TRIM68: variants seen among roughly 807,000 people sequenced by gnomAD.
TRIM68 encodes the protein tripartite motif containing 68.
A neutral mutation model predicts 41.9 loss-of-function variants in TRIM68; 36 were observed. The ratio of observed to expected loss-of-function variants is 0.86; its 90% CI spans 0.66 to 1.14. The LOEUF is 1.14. Among genes scored for constraint, TRIM68 ranks in the 50% most tolerant of loss-of-function variants. The probability of loss-of-function intolerance (pLI) is 0.00; values close to 1 mark genes in which losing one functional copy is unlikely to be tolerated. For synonymous variants in TRIM68, 225 were observed against 224.6 expected (o/e 1.00, Z -0.02); for missense variants, 632 against 605.1 (o/e 1.04, Z -0.47).
chr11:4,605,442 G>A lies in TRIM68; in HGVS notation c.63C>T (p.Thr21=), dbSNP rs754458062. The change falls in exon 2 of 7, where the codon ACC becomes ACT. Residue 21 remains threonine, a synonymous_variant. Coordinates refer to ENST00000300747, the MANE Select transcript of TRIM68 (RefSeq NM_018073.8). ...CAATGCTCATGGGCTCCCTCAGGAAGGTCATACAGATGGGACAGGCCACTT... is the reference window on the plus strand; with the variant it reads ...CAATGCTCATGGGCTCCCTCAGGAAAGTCATACAGATGGGACAGGCCACTT... The part of the protein sequence containing the change: ...VEEVACPICM[T]FLREPMSIDC... 16 of 1,614,032 alleles carry A rather than the reference G, an allele frequency of 9.9e-6. No individual in the cohort carries two copies. In the East Asian group the frequency reaches 3.3e-4, roughly 34 times the overall value.
At chr11:4,601,379 T>A in intron 5 of TRIM68, 1 of 594,678 alleles carries the variant, frequency 1.7e-6, no homozygotes, top group Non-Finnish European at 3.0e-6. Flanking sequence ...ACATTTTCTG[T>A]CGGACATGAA....
chr11:4,607,850 CTT>C (rs1846591289), intron 1 of TRIM68, among the ~76,000 whole-genome samples, 175 bp downstream of exon 1: 1 of 152,130 alleles, frequency 6.6e-6, no homozygotes, highest in African/African-American at 2.4e-5. Flanking sequence ...GCCTGGAAGA[CTT>C]CCAGTTAGGA....
intron 1 of TRIM68, among the ~76,000 whole-genome samples, chr11:4,606,234 C>A (rs922541324): frequency 6.6e-6 from 1 of 152,296 alleles, no homozygotes; most frequent in Non-Finnish European, 1.5e-5. Flanking sequence ...AATAACATCC[C>A]TTGGAGATTA....
At position 4,599,723 on chromosome 11, in the gene TRIM68, A is replaced by T. The variant is rs1846450872; in HGVS notation, c.*553T>A. ...GGGCAGGTCTGTGTCCCCCTGCTGC[A>T]CTGAATTTCTCTTGCCAGGAGGTCA... On this transcript the variant is annotated 3_prime_UTR_variant, in exon 7 of 7. Coordinates refer to ENST00000300747, the MANE Select transcript of TRIM68 (RefSeq NM_018073.8). The T allele has an allele frequency of 6.6e-6, 1 of 152,522 alleles. No individual in the cohort carries two copies. The highest frequency in any genetic ancestry group is 2.4e-5 in the African/African-American group (1 of 41,444). The allele number at this position is 152,522 out of a possible 1,614,324, so 9.4% of individuals were successfully genotyped here.
intron 5 of TRIM68, 26 bp downstream of exon 5, chr11:4,601,638 T>A (rs1242830565): frequency 2.5e-6 from 4 of 1,613,714 alleles, no homozygotes; most frequent in African/African-American, 1.3e-5. Context: ...CAGGGCTGCT[T>A]AGAGGCTCCA....
chr11:4,599,077 C>A lies in TRIM68; in HGVS notation c.*1199G>T, dbSNP rs1404026093. ...CCCAAACATGTGAGAAGTTTCAGAC[C>A]CAAATATAATAAGTGATGTATAGGC... On this transcript the variant is annotated 3_prime_UTR_variant, in exon 7 of 7. Coordinates refer to ENST00000300747, the MANE Select transcript of TRIM68 (RefSeq NM_018073.8). 1 of 152,140 alleles carries A rather than the reference C, an allele frequency of 6.6e-6. No individual in the cohort carries two copies. Among genetic ancestry groups the A allele is most frequent in the African/African-American group, 2.4e-5 (1 of 41,440 alleles). The allele number at this position is 152,140 out of a possible 1,614,324, so 9.4% of individuals were successfully genotyped here. A position where few individuals can be genotyped will look rare whatever the true frequency, so the allele number is the denominator to read the frequency against.
At position 4,605,553 on chromosome 11, in the gene TRIM68, T is replaced by C; in HGVS notation, c.-49A>G. On this transcript the variant is annotated 5_prime_UTR_variant, in exon 2 of 7. Transcript: ENST00000300747. ...GAACATGAATGAAACCAGGGAGAAGTAGTAAAGGCTGAGAAGAAGAAAAGA... is the reference window on the plus strand; with the variant it reads ...GAACATGAATGAAACCAGGGAGAAGCAGTAAAGGCTGAGAAGAAGAAAAGA... 5 of 1,503,600 alleles carry C rather than the reference T, an allele frequency of 3.3e-6. No individual in the cohort carries two copies. Among genetic ancestry groups the C allele is most frequent in the Non-Finnish European group, 4.5e-6 (5 of 1,113,290 alleles). 93.1% of individuals were successfully genotyped at this position (1,503,600 alleles called of 1,614,324 possible).
At chr11:4,604,459 G>A (rs2133200576) in intron 2 of TRIM68, among the ~76,000 whole-genome samples, 1 of 152,322 alleles carries the variant, frequency 6.6e-6, no homozygotes, top group African/African-American at 2.4e-5. Context: ...ACTTGGGAGA[G>A]GAGAAAGTGC....
At chr11:4,601,940 T>C (rs939963997) in intron 4 of TRIM68, 9 of 789,054 alleles carry the variant, frequency 1.1e-5, no homozygotes, top group Non-Finnish European at 1.8e-5. Flanking sequence ...CAGAGCTGCC[T>C]GAGCACTGCC....
In TRIM68 at chr11:4,601,109, CA is replaced by C; in HGVS notation, c.824del (p.Leu275CysfsTer11). The C allele has an allele frequency of 6.2e-7, 1 of 1,614,196 alleles. No individual in the cohort carries two copies. The highest frequency in any genetic ancestry group is 8.5e-7 in the Non-Finnish European group (1 of 1,180,018). On this transcript the variant is annotated frameshift_variant, in exon 6 of 7. Coordinates refer to ENST00000300747, the MANE Select transcript of TRIM68 (RefSeq NM_018073.8). LOFTEE classifies it high-confidence loss of function. ...EVLNRSKSWS[L>X]QQPEPISLEL... is the part of the protein sequence containing the mutation. The stretch of plus-strand genomic sequence containing the variant: ...CCAGGGAGATTGGTTCTGGCTGCTG[CA>C]AGCTCCAAGATTTGCTCCTGGTAGA...
In TRIM68 at chr11:4,607,690, C is replaced by G. The variant is rs142066922; in HGVS notation, c.-58+337G>C. ...GATCTGGGGATGGGTAGTTACTGCT[C>G]TTCAAAATAAGACCTGCTTTAATGT... On this transcript the variant is annotated intron_variant, in intron 1 of 6. Transcript: ENST00000300747. Among the ~76,000 whole-genome samples the G allele has an allele frequency of 4.1e-4, 63 of 152,344 alleles. No homozygotes were observed. The East Asian group carries it at 0.011, about 27-fold the overall frequency.
In TRIM68 at chr11:4,603,235, G is replaced by A. The variant is rs1348415073; in HGVS notation, c.522+10C>T. 3.7e-6 allele frequency: 6 copies of A among 1,613,642 alleles called. No homozygotes were observed. The highest frequency in any genetic ancestry group is 5.1e-6 in the Non-Finnish European group (6 of 1,179,488). ...CTGACACAAACTCCTTTCCCCACGA[G>A]GCAACCTGCCTTCCAGGTGGCAGTT... On this transcript the variant is annotated intron_variant, in intron 3 of 6. Coordinates refer to ENST00000300747, the MANE Select transcript of TRIM68 (RefSeq NM_018073.8).
intron 4 of TRIM68, 162 bp downstream of exon 4, chr11:4,601,990 C>T (rs1846496672): frequency 9.2e-7 from 1 of 1,082,716 alleles, no homozygotes; most frequent in Non-Finnish European, 1.3e-6. Flanking sequence ...ATCCACCAGC[C>T]AGGGATAGGG....
At position 4,602,323 on chromosome 11, in the gene TRIM68, C is replaced by G; in HGVS notation, c.612G>C (p.Gln204His). 2 of 1,614,224 alleles carry G rather than the reference C, an allele frequency of 1.2e-6. No homozygotes were observed. The highest frequency in any genetic ancestry group is 1.7e-6 in the Non-Finnish European group (2 of 1,180,042). Residue 204 changes from glutamine (Q) to histidine (H), a missense_variant, in exon 4 of 7, where the codon CAG (glutamine) becomes CAC (histidine). Coordinates refer to ENST00000300747, the MANE Select transcript of TRIM68 (RefSeq NM_018073.8). ...GAGCTGCTGCTACCTCTGCCCCCAGCTGCCGATGTGGTGGCTGCTTTTTCT... is the reference window on the plus strand; with the variant it reads ...GAGCTGCTGCTACCTCTGCCCCCAGGTGCCGATGTGGTGGCTGCTTTTTCT... ...LLEKKQPPHR[Q>H]LGAEVAAALA...
At position 4,599,908 on chromosome 11, in the gene TRIM68, C is replaced by T. The variant is rs1846453743; in HGVS notation, c.*368G>A. On this transcript the variant is annotated 3_prime_UTR_variant, in exon 7 of 7. Coordinates refer to ENST00000300747, the MANE Select transcript of TRIM68 (RefSeq NM_018073.8). ...GGTGTCCTGAAGACTGTATCTACTTCATCATCCTCACTGACTGAACTGTGA... is the reference window on the plus strand; with the variant it reads ...GGTGTCCTGAAGACTGTATCTACTTTATCATCCTCACTGACTGAACTGTGA... 5.3e-6 allele frequency: 1 copy of T among 187,446 alleles called. No individual in the cohort carries two copies. The highest frequency in any genetic ancestry group is 1.6e-4 in the South Asian group (1 of 6,246). The allele number at this position is 187,446 out of a possible 1,614,324, so 11.6% of individuals were successfully genotyped here.
At chr11:4,604,565 A>G (rs1846540703) in intron 2 of TRIM68, among the ~76,000 whole-genome samples, 2 of 152,198 alleles carry the variant, frequency 1.3e-5, no homozygotes, top group South Asian at 2.1e-4. Flanking sequence ...ACCTCTCTCA[A>G]TCTTGTGACT....
At chr11:4,604,755 T>C (rs148683049) in intron 2 of TRIM68, among the ~76,000 whole-genome samples, 2 of 152,330 alleles carry the variant, frequency 1.3e-5, no homozygotes, top group African/African-American at 4.8e-5. Flanking sequence ...AAGAGCCTCA[T>C]GCCTAAACTC....
rs1846521059 is a variant in TRIM68, at chr11:4,603,296, T to C, written c.471A>G (p.Glu157=). 3 of 1,614,122 alleles carry C rather than the reference T, an allele frequency of 1.9e-6. No homozygotes were observed. The highest frequency in any genetic ancestry group is 2.7e-5 in the African/African-American group (2 of 74,940). The change falls in exon 3 of 7, where the codon GAA becomes GAG. Residue 157 remains glutamate, a synonymous_variant. Coordinates refer to ENST00000300747, the MANE Select transcript of TRIM68 (RefSeq NM_018073.8). ...EALEHLKKEQ[E]EAWKLEVGER... ...CACCAACTTCAAGCTTCCAGGCCTC[T>C]TCTTGCTCTTTCTTCAGATGTTCGA...
In TRIM68 at chr11:4,601,264, T is replaced by C. The variant is rs1589848493; in HGVS notation, c.807-137A>G. On this transcript the variant is annotated intron_variant, in intron 5 of 6. Coordinates refer to ENST00000300747, the MANE Select transcript of TRIM68 (RefSeq NM_018073.8). ...CAGAGACATGATGGTTACGGTTATT[T>C]GGCTGAGCCTCAAGCTGTTTGTGTG... The C allele has an allele frequency of 3.5e-5, 25 of 708,146 alleles. No homozygotes were observed. The East Asian group carries it at 6.2e-4, about 18-fold the overall frequency. 43.9% of individuals were successfully genotyped at this position (708,146 alleles called of 1,614,324 possible). A position where few individuals can be genotyped will look rare whatever the true frequency, so the allele number is the denominator to read the frequency against.
Sources: allele counts gnomAD v4.1 joint callset (sites outside exome capture counted in the v4.1 genomes callset), GRCh38; gene constraint gnomAD v4.1.1; transcripts MANE v1.5; gene names NCBI Gene and HGNC (gene_info 2026-07-23, HGNC 2026-07-21).